TMOD3: variants seen among roughly 807,000 people sequenced by gnomAD.
The protein encoded by TMOD3 is tropomodulin-3.
A neutral mutation model predicts 39.2 loss-of-function variants in TMOD3; 20 were observed. The observed-to-expected ratio is 0.51, with a 90% CI of 0.36 to 0.74. The LOEUF is 0.74. Among genes scored for constraint, TMOD3 ranks in the 30% least tolerant of loss-of-function variants. TMOD3 has a pLI of 0.00. For missense variants in TMOD3, 381 were observed against 412.8 expected (o/e 0.92, Z 0.67); for synonymous variants, 143 against 145.8 (o/e 0.98, Z 0.14).
At position 51,901,866 on chromosome 15, in the gene TMOD3, T is replaced by C. The variant is rs759763866; in HGVS notation, c.880-26T>C. ...AGTATTTTGATCTAGTTTATTAATA[T>C]TGTTCTTTTTTTCTAATTACTCCAG... On this transcript the variant is annotated intron_variant, in intron 8 of 9. Coordinates refer to ENST00000308580, the MANE Select transcript of TMOD3 (RefSeq NM_014547.5). The C allele has an allele frequency of 7.5e-6, 12 of 1,603,910 alleles. No homozygotes were observed. In the East Asian group the frequency reaches 2.7e-4, roughly 36 times the overall value.
chr15:51,908,783 GA>G lies in TMOD3; in HGVS notation c.1033del (p.Arg345AspfsTer14). The G allele has an allele frequency of 1.2e-6, 2 of 1,608,036 alleles. No homozygotes were observed. The highest frequency in any genetic ancestry group is 1.7e-4 in the Middle Eastern group (1 of 6,052). On this transcript the variant is annotated frameshift_variant, in exon 10 of 10. Transcript: ENST00000308580. LOFTEE classifies it high-confidence loss of function. ...CTTTTATTTTTCTCATAGTGCGTAA[GA>G]GACGAGTTGAAGGAGATCACCAGTA... ...ITKNNDLVRK[R>X]RVEGDHQ
At chr15:51,860,333 C>G (rs1034736430) in intron 1 of TMOD3, 5 of 538,658 alleles carry the variant, frequency 9.3e-6, no homozygotes, top group African/African-American at 5.8e-5. Context: ...CCAATTTGCC[C>G]TTAAGGATTT....
chr15:51,907,169 C>G (rs1302445245), intron 9 of TMOD3: 1 of 151,868 alleles, frequency 6.6e-6, no homozygotes, highest in Non-Finnish European at 1.5e-5. Context: ...TGAAACTTGT[C>G]TTTGTTAGCA....
intron 1 of TMOD3, among the ~76,000 whole-genome samples, chr15:51,856,606 AT>A (rs61532703): frequency 0.7 from 103,748 of 149,172 alleles, 37,784 homozygotes; most frequent in East Asian, 0.99. Context: ...TATTAAGGGC[AT>A]TTTTTTTTTT....
At chr15:51,908,426 C>G (rs537134141) in intron 9 of TMOD3, among the ~76,000 whole-genome samples, 1 of 152,228 alleles carries the variant, frequency 6.6e-6, no homozygotes, top group South Asian at 2.1e-4. Flanking sequence ...TAATAAATTA[C>G]AAAGTTAAAA....
rs200738333 is a variant in TMOD3 at position 51,896,471 on chromosome 15, C to T, written c.680C>T (p.Thr227Ile). The change falls in exon 7 of 10, where the codon ACA becomes ATA. Residue 227 changes from threonine (T) to isoleucine (I), a missense_variant. Transcript: ENST00000308580. ...TTTGCAAAGGCTTTGGAAACCAACACACATGTGAAATGTTTCAGTCTTGCA... is the reference window on the plus strand; with the variant it reads ...TTTGCAAAGGCTTTGGAAACCAACATACATGTGAAATGTTTCAGTCTTGCA... ...KDFAKALETN[T>I]HVKCFSLAAT... is the part of the protein sequence containing the mutation. The T allele has an allele frequency of 3.7e-5, 60 of 1,613,676 alleles. No homozygotes were observed. The highest frequency in any genetic ancestry group is 4.7e-5 in the Non-Finnish European group (56 of 1,179,756).
intron 1 of TMOD3, among the ~76,000 whole-genome samples, chr15:51,831,538 A>T (rs1247230669): frequency 6.6e-6 from 1 of 152,190 alleles, no homozygotes; most frequent in African/African-American, 2.4e-5. Context: ...GTGGGGAGGT[A>T]ATTTTAGAGG....
chr15:51,896,089 C>T (rs1369748349), intron 6 of TMOD3, among the ~76,000 whole-genome samples: 1 of 151,958 alleles, frequency 6.6e-6, no homozygotes, highest in African/African-American at 2.4e-5. Context: ...ACCTGGGCAA[C>T]AAGAGCAAAA....
intron 1 of TMOD3, among the ~76,000 whole-genome samples, chr15:51,856,277 A>G (rs1782892038): frequency 6.6e-6 from 1 of 152,202 alleles, no homozygotes; most frequent in Non-Finnish European, 1.5e-5. Flanking sequence ...AACAAAAACA[A>G]ACAAACAAAA....
rs191769180 is a variant in TMOD3, at chr15:51,875,833, T to G, written c.283+6460T>G. On this transcript the variant is annotated intron_variant, in intron 3 of 9. Coordinates refer to ENST00000308580, the MANE Select transcript of TMOD3 (RefSeq NM_014547.5). Reference sequence around the variant, plus strand: ...CAGGGTTTCACTGTGTTAGCCAGGATGTTCGCCATCTCCTGACCTCGTGAT... The same window carrying G: ...CAGGGTTTCACTGTGTTAGCCAGGAGGTTCGCCATCTCCTGACCTCGTGAT... 2.3e-3 allele frequency among the ~76,000 whole-genome samples: 351 copies of G among 152,184 alleles called. 2 individuals are homozygous for G. Among genetic ancestry groups the G allele is most frequent in the East Asian group, 2.1e-3 (11 of 5,172 alleles).
intron 9 of TMOD3, among the ~76,000 whole-genome samples, chr15:51,902,942 C>T (rs897286384): frequency 1.3e-5 from 2 of 152,018 alleles, no homozygotes; most frequent in African/African-American, 2.4e-5. Context: ...TGAGCCACCG[C>T]GCCCGGCCAA....
intron 3 of TMOD3, among the ~76,000 whole-genome samples, chr15:51,886,092 C>T (rs1203191074): frequency 6.6e-6 from 1 of 151,908 alleles, no homozygotes; most frequent in Admixed American, 6.5e-5. Context: ...AGACTCTCCT[C>T]ACCTCCCAGA....
intron 1 of TMOD3, among the ~76,000 whole-genome samples, chr15:51,856,486 A>T (rs1329528731): frequency 6.6e-6 from 1 of 152,238 alleles, no homozygotes; most frequent in African/African-American, 2.4e-5. Flanking sequence ...AAACTTTTTT[A>T]AAAATGAAAA....
chr15:51,835,253 C>T (rs933123865), intron 1 of TMOD3, among the ~76,000 whole-genome samples: 39 of 152,308 alleles, frequency 2.6e-4, no homozygotes, highest in Non-Finnish European at 5.1e-4. Context: ...TTGGCTTGAT[C>T]TAAATAGATG....
intron 1 of TMOD3, among the ~76,000 whole-genome samples, chr15:51,836,396 CATATA>C (rs2056283612): frequency 1.3e-5 from 2 of 152,086 alleles, no homozygotes; most frequent in Non-Finnish European, 2.9e-5. Context: ...TAAATGGAAT[CATATA>C]ATATGTCATA....
At chr15:51,902,272 G>A (rs2554349) in intron 9 of TMOD3, among the ~76,000 whole-genome samples, 67,000 of 151,990 alleles carry the variant, frequency 0.44, 15,020 homozygotes, top group Admixed American at 0.52. Flanking sequence ...AGTTTTAAGT[G>A]ACCAGTTTTC....
chr15:51,885,122 T>C (rs1410467210), intron 3 of TMOD3, among the ~76,000 whole-genome samples: 2 of 152,226 alleles, frequency 1.3e-5, no homozygotes, highest in Admixed American at 6.5e-5. Context: ...GTAACCCAAG[T>C]TGTGTGAGTA....
chr15:51,897,228 C>G (rs1238533075), intron 7 of TMOD3, among the ~76,000 whole-genome samples: 1 of 152,120 alleles, frequency 6.6e-6, no homozygotes, highest in Non-Finnish European at 1.5e-5. Context: ...TGGGTAATCT[C>G]AGAAATATAT....
intron 1 of TMOD3, among the ~76,000 whole-genome samples, chr15:51,836,759 C>T (rs1035244626): frequency 1.3e-5 from 2 of 150,422 alleles, no homozygotes; most frequent in African/African-American, 4.9e-5. Context: ...AAGAAAAATA[C>T]TGAAATACAG....
Sources: gnomAD v4.1 joint callset for allele counts (sites outside exome capture counted in the v4.1 genomes callset) on GRCh38, gnomAD v4.1.1 for gene constraint, MANE v1.5 for transcripts, NCBI Gene and HGNC (gene_info 2026-07-23, HGNC 2026-07-21) for gene names.